GLMN: variants seen among roughly 807,000 people sequenced by gnomAD.
GLMN encodes the protein glomulin, FKBP associated protein.
Under a neutral mutation model 87.8 loss-of-function variants are expected in GLMN, and 75 were observed. The ratio of observed to expected loss-of-function variants is 0.85; its 90% CI spans 0.71 to 1.04. The LOEUF (loss-of-function observed/expected upper bound fraction) is 1.04, where lower values mean the gene tolerates loss of function less well. Ranked by LOEUF, GLMN falls within the 50% of genes least tolerant of loss-of-function variation. The pLI is 0.00. For synonymous variants in GLMN, 206 were observed against 221.6 expected (o/e 0.93, Z 0.63); for missense variants, 588 against 658.8 (o/e 0.89, Z 1.18).
At chr1:92,332,201 G>A in the GLMN span, among the ~76,000 whole-genome samples, 1 of 151,188 alleles carries the variant, frequency 6.6e-6, no homozygotes, top group Non-Finnish European at 1.5e-5. Flanking sequence ...CTTCATTCTG[G>A]ATATTTTCTT....
intron 7 of GLMN, among the ~76,000 whole-genome samples, chr1:92,279,678 G>A (rs1647748134): frequency 6.6e-6 from 1 of 152,174 alleles, no homozygotes; most frequent in East Asian, 1.9e-4. Context: ...AGTGCGAGGG[G>A]TCAGCGAATT....
upstream of GLMN, among the ~76,000 whole-genome samples, chr1:92,302,574 T>A (rs1650926397): frequency 6.7e-6 from 1 of 149,410 alleles, no homozygotes; most frequent in Non-Finnish European, 1.5e-5. Flanking sequence ...AACGGGAGAA[T>A]TAAATTCCGC....
chr1:92,288,913 C>A lies in GLMN; in HGVS notation c.632+1G>T, dbSNP rs754288444. 9 of 1,385,700 alleles carry A rather than the reference C, an allele frequency of 6.5e-6. No homozygotes were observed. The highest frequency in any genetic ancestry group is 2.3e-5 in the East Asian group (1 of 43,788). 85.8% of individuals were successfully genotyped at this position (1,385,700 alleles called of 1,614,324 possible). ...TGAGATGTTCTTAAAATTATACTTA[C>A]AATTTCAGTAATTCATCCTTTAACT... On this transcript the variant is annotated splice_donor_variant, in intron 6 of 18. Coordinates refer to ENST00000370360, the MANE Select transcript of GLMN (RefSeq NM_053274.3). LOFTEE classifies it high-confidence loss of function.
the GLMN span, chr1:92,324,013 AACTT>A: frequency 1.7e-5 from 28 of 1,613,996 alleles, no homozygotes; most frequent in African/African-American, 4.0e-5. Flanking sequence ...TGGAAAGAGA[AACTT>A]ACTTAAAGTT....
At chr1:92,267,348 G>A (rs1323430647) in intron 11 of GLMN, among the ~76,000 whole-genome samples, 1 of 152,162 alleles carries the variant, frequency 6.6e-6, no homozygotes, top group Non-Finnish European at 1.5e-5. Flanking sequence ...TGGATGCTGT[G>A]CTATCAATAA....
chr1:92,326,918 C>T, the GLMN span, among the ~76,000 whole-genome samples: 5,638 of 152,314 alleles, frequency 0.037, 268 homozygotes, highest in African/African-American at 0.11. Flanking sequence ...CATCTCCCAG[C>T]CTGTGGAGTC....
chr1:92,330,678 G>A, the GLMN span, among the ~76,000 whole-genome samples: 8 of 151,808 alleles, frequency 5.3e-5, no homozygotes, highest in African/African-American at 1.7e-4. Flanking sequence ...TCTCGAACTC[G>A]TGAGCTCAAG....
At chr1:92,286,901 C>T (rs548919727) in intron 6 of GLMN, among the ~76,000 whole-genome samples, 1 of 152,178 alleles carries the variant, frequency 6.6e-6, no homozygotes, top group Non-Finnish European at 1.5e-5. Flanking sequence ...CAGATGCCAG[C>T]GCCTTAATTG....
chr1:92,273,682 C>G (rs974785533), intron 7 of GLMN, among the ~76,000 whole-genome samples: 1 of 151,892 alleles, frequency 6.6e-6, no homozygotes, highest in South Asian at 2.1e-4. Context: ...TCTTGAACTC[C>G]TGGGCTTAAG....
chr1:92,289,071 C>A lies in GLMN; in HGVS notation c.475G>T (p.Val159Phe). The change falls in exon 6 of 19, where the codon GTT becomes TTT. Residue 159 changes from valine (V) to phenylalanine (F), a missense_variant. By Grantham distance (50) the Val-to-Phe change is conservative. Coordinates refer to ENST00000370360, the MANE Select transcript of GLMN (RefSeq NM_053274.3). ...TLWNQLSLLP[V>F]PYSKEQIQMD... is the part of the protein sequence containing the mutation. ...TGTATTTGTTCTTTTGAGTATGGAACAGGAAGAAGAGATAGCTGATTCCAA... is the reference window on the plus strand; with the variant it reads ...TGTATTTGTTCTTTTGAGTATGGAAAAGGAAGAAGAGATAGCTGATTCCAA... The A allele has an allele frequency of 1.2e-6, 2 of 1,611,822 alleles. No individual in the cohort carries two copies. Among genetic ancestry groups the A allele is most frequent in the Non-Finnish European group, 1.7e-6 (2 of 1,177,996 alleles).
At chr1:92,314,988 T>G in the GLMN span, among the ~76,000 whole-genome samples, 1 of 152,056 alleles carries the variant, frequency 6.6e-6, no homozygotes, top group Non-Finnish European at 1.5e-5. Context: ...GAGGTTGCAG[T>G]GAACCGAGAT....
At chr1:92,260,886 C>T (rs1408673999) in intron 16 of GLMN, among the ~76,000 whole-genome samples, 1 of 151,612 alleles carries the variant, frequency 6.6e-6, no homozygotes, top group Non-Finnish European at 1.5e-5. Context: ...AGACATTGCA[C>T]AATGCTAAAC....
intron 14 of GLMN, among the ~76,000 whole-genome samples, 186 bp from the exon 15 acceptor site, chr1:92,263,918 A>C (rs1264114530): frequency 1.3e-5 from 2 of 152,170 alleles, no homozygotes; most frequent in East Asian, 3.8e-4. Context: ...AACACTGGTC[A>C]CTCTGTTTTC....
chr1:92,305,674 CA>C, the GLMN span, among the ~76,000 whole-genome samples: 2 of 151,222 alleles, frequency 1.3e-5, no homozygotes, highest in African/African-American at 4.9e-5. Flanking sequence ...AAAAGACAGA[CA>C]AACTAATAGA....
chr1:92,249,287 T>G (rs1205208743), intron 16 of GLMN, among the ~76,000 whole-genome samples: 3 of 151,330 alleles, frequency 2.0e-5, no homozygotes, highest in Non-Finnish European at 4.4e-5. Flanking sequence ...TTTTTTTGCT[T>G]CTTTATGTTG....
At chr1:92,296,529 A>C (rs1650077415) in intron 3 of GLMN, among the ~76,000 whole-genome samples, 1 of 152,192 alleles carries the variant, frequency 6.6e-6, no homozygotes, top group South Asian at 2.1e-4. Flanking sequence ...AACCACCCCC[A>C]TGATTCAATC....
chr1:92,317,356 A>G, the GLMN span, among the ~76,000 whole-genome samples: 282 of 152,174 alleles, frequency 1.9e-3, no homozygotes, highest in African/African-American at 6.4e-3. Context: ...AAAATACAAA[A>G]AATGAGCTGG....
upstream of GLMN, among the ~76,000 whole-genome samples, chr1:92,299,498 C>T (rs1439084061): frequency 1.3e-5 from 2 of 152,116 alleles, no homozygotes; most frequent in African/African-American, 4.8e-5. Flanking sequence ...GACCGGTCCT[C>T]CTTTCCAGAT....
At chr1:92,363,207 G>A in the GLMN span, among the ~76,000 whole-genome samples, 5 of 152,154 alleles carry the variant, frequency 3.3e-5, no homozygotes, top group Admixed American at 6.6e-5. Flanking sequence ...GATAAGGGTA[G>A]GAAAGAGATT....
Sources: allele counts gnomAD v4.1 joint callset (sites outside exome capture counted in the v4.1 genomes callset), GRCh38; gene constraint gnomAD v4.1.1; transcripts MANE v1.5; gene names NCBI Gene and HGNC (gene_info 2026-07-23, HGNC 2026-07-21).